GRIK1: variants seen among roughly 807,000 people sequenced by gnomAD.
GRIK1 encodes glutamate receptor ionotropic, kainate 1.
Under a neutral mutation model 105.7 loss-of-function variants are expected in GRIK1, and 69 were observed. That is an observed-to-expected ratio of 0.65 (90% CI 0.54 to 0.80). GRIK1 has a LOEUF of 0.80. Among genes scored for constraint, GRIK1 ranks in the 30% least tolerant of loss-of-function variants. The pLI is 0.00. For missense variants in GRIK1, 1,109 were observed against 1,167.3 expected, an observed-to-expected ratio of 0.95 and a Z score of 0.73; for synonymous variants, 438 against 431.3, an observed-to-expected ratio of 1.02 and a Z score of -0.19.
At position 29,862,067 on chromosome 21, in the gene GRIK1, A is replaced by T. The variant is rs575715349; in HGVS notation, c.118+77316T>A. The stretch of plus-strand genomic sequence containing the variant: ...AATGGCATGATCATGGCTCACTGAA[A>T]CCTTGATCTCCTGTACTCAAGTGAT... On this transcript the variant is annotated intron_variant, in intron 1 of 17. Coordinates refer to ENST00000327783, the MANE Select transcript of GRIK1 (RefSeq NM_001330994.2). Among the ~76,000 whole-genome samples, 36 of 152,158 alleles carry T rather than the reference A, an allele frequency of 2.4e-4. No individual in the cohort carries two copies. In the East Asian group the frequency reaches 6.4e-3, roughly 27 times the overall value.
chr21:29,708,385 C>A (rs1299153696), intron 1 of GRIK1, among the ~76,000 whole-genome samples: 1 of 152,052 alleles, frequency 6.6e-6, no homozygotes, highest in Non-Finnish European at 1.5e-5. Flanking sequence ...CAAATGTTTT[C>A]TCAGTTTATT....
chr21:29,642,798 C>T (rs2062538753), intron 7 of GRIK1, 28 bp downstream of exon 7: 2 of 1,610,560 alleles, frequency 1.2e-6, no homozygotes, highest in African/African-American at 1.3e-5. Flanking sequence ...TCAGAAGGGC[C>T]CCTGGGCTGT....
intron 1 of GRIK1, among the ~76,000 whole-genome samples, chr21:29,890,445 C>G (rs138890522): frequency 6.6e-6 from 1 of 152,084 alleles, no homozygotes; most frequent in East Asian, 1.9e-4. Flanking sequence ...ATTGTGCAGT[C>G]TCTTCATCAA....
At chr21:29,702,443 G>T (rs1404535355) in intron 1 of GRIK1, among the ~76,000 whole-genome samples, 1 of 152,192 alleles carries the variant, frequency 6.6e-6, no homozygotes, top group Non-Finnish European at 1.5e-5. Flanking sequence ...CCATGAGACT[G>T]AATGGCATCA....
At chr21:29,863,256 AATTCTG>A (rs1475789904) in intron 1 of GRIK1, among the ~76,000 whole-genome samples, 85 of 152,302 alleles carry the variant, frequency 5.6e-4, no homozygotes, top group African/African-American at 1.9e-3. Context: ...CGTTGCTAGA[AATTCTG>A]ATTCAGTAAG....
chr21:29,591,058 A>C, intron 10 of GRIK1, 54 bp downstream of exon 10: 1 of 938,866 alleles, frequency 1.1e-6, no homozygotes, highest in East Asian at 2.4e-5. Context: ...AATGCTTCGA[A>C]GTCTAAGGCA....
rs546188690 is a variant in GRIK1 at position 29,551,771 on chromosome 21, CTT to C, written c.2607+3279_2607+3280del. 5.5e-3 allele frequency among the ~76,000 whole-genome samples: 833 copies of C among 152,110 alleles called. 6 individuals are homozygous for C. The highest frequency in any genetic ancestry group is 0.019 in the African/African-American group (798 of 41,506). On this transcript the variant is annotated intron_variant, in intron 16 of 17. Coordinates refer to ENST00000327783, the MANE Select transcript of GRIK1 (RefSeq NM_001330994.2). ...ATACTTCATCAATCACACTTGAACT[CTT>C]TTGGTAGCATTTTTGGTTTATTAAA...
intron 1 of GRIK1, among the ~76,000 whole-genome samples, chr21:29,826,389 C>T (rs1336309044): frequency 1.3e-5 from 2 of 152,038 alleles, no homozygotes; most frequent in South Asian, 4.1e-4. Flanking sequence ...AGGTTGTTTT[C>T]AGATAAGATT....
At chr21:29,684,252 C>CTCTG (rs1555871255) in intron 3 of GRIK1, among the ~76,000 whole-genome samples, 6 of 149,272 alleles carry the variant, frequency 4.0e-5, no homozygotes, top group African/African-American at 1.5e-4. Context: ...AATCTATCAT[C>CTCTG]TCTATCTATC....
intron 1 of GRIK1, among the ~76,000 whole-genome samples, chr21:29,906,585 A>T (rs1234681094): frequency 1.3e-5 from 2 of 152,098 alleles, no homozygotes; most frequent in Admixed American, 6.5e-5. Context: ...ACATCTATTC[A>T]TCTAGCTTTT....
intron 1 of GRIK1, among the ~76,000 whole-genome samples, chr21:29,721,388 A>G (rs1171070480): frequency 6.6e-6 from 1 of 152,172 alleles, no homozygotes; most frequent in African/African-American, 2.4e-5. Flanking sequence ...GATCGCAGTG[A>G]GAGACCAGCC....
intron 1 of GRIK1, among the ~76,000 whole-genome samples, chr21:29,872,135 A>G (rs963065118): frequency 4.6e-5 from 7 of 151,320 alleles, no homozygotes; most frequent in African/African-American, 1.5e-4. Flanking sequence ...GTTTTGCTAT[A>G]TGTATACATT....
At chr21:29,754,806 G>A (rs139764471) in intron 1 of GRIK1, among the ~76,000 whole-genome samples, 2,411 of 152,262 alleles carry the variant, frequency 0.016, 28 homozygotes, top group Middle Eastern at 0.048. Context: ...TTACCTGGGG[G>A]ACAGGAAATT....
chr21:29,801,222 A>T (rs1444019003), intron 1 of GRIK1, among the ~76,000 whole-genome samples: 3 of 151,478 alleles, frequency 2.0e-5, no homozygotes, highest in Non-Finnish European at 4.4e-5. Context: ...CTATTTTTTG[A>T]CTTACTCTTC....
At position 29,694,167 on chromosome 21, in the gene GRIK1, C is replaced by G. The variant is rs550012899; in HGVS notation, c.119-104G>C. On this transcript the variant is annotated intron_variant, in intron 1 of 17. Transcript: ENST00000327783. ...TGAGACGGAGTCTCGCTCTGTCACC[C>G]AGACTGGAGTGCAATGGCACGATCT... The G allele has an allele frequency of 1.5e-5, 11 of 757,712 alleles. No individual in the cohort carries two copies. The African/African-American group carries it at 1.6e-4, about 11-fold the overall frequency. 46.9% of individuals were successfully genotyped at this position (757,712 alleles called of 1,614,324 possible).
At chr21:29,775,759 C>T (rs1482741513) in intron 1 of GRIK1, among the ~76,000 whole-genome samples, 2 of 152,164 alleles carry the variant, frequency 1.3e-5, no homozygotes, top group Non-Finnish European at 2.9e-5. Flanking sequence ...TTTAGAACTT[C>T]TCCCCAAAAC....
At chr21:29,537,910 CA>C in intron 16 of GRIK1, 26 bp from the exon 17 acceptor site, 1 of 1,027,894 alleles carries the variant, frequency 9.7e-7, no homozygotes, top group Non-Finnish European at 1.5e-6. Context: ...GAAAAAAAAA[CA>C]ATTTTAAATT....
At chr21:29,844,531 T>G (rs2068065243) in intron 1 of GRIK1, among the ~76,000 whole-genome samples, 1 of 152,194 alleles carries the variant, frequency 6.6e-6, no homozygotes, top group Non-Finnish European at 1.5e-5. Context: ...AAGTAAATGT[T>G]TCTTCAAGGC....
intron 1 of GRIK1, among the ~76,000 whole-genome samples, chr21:29,705,620 T>C (rs1207991777): frequency 6.6e-6 from 1 of 152,234 alleles, no homozygotes; most frequent in Non-Finnish European, 1.5e-5. Flanking sequence ...CATCAGGTTC[T>C]TGATCAGAAA....
Sources: allele counts gnomAD v4.1 joint callset (sites outside exome capture counted in the v4.1 genomes callset), GRCh38; gene constraint gnomAD v4.1.1; transcripts MANE v1.5; gene names NCBI Gene and HGNC (gene_info 2026-07-23, HGNC 2026-07-21).